TIE1: variants seen among roughly 807,000 people sequenced by gnomAD.
TIE1 encodes tyrosine kinase with immunoglobulin like and EGF like domains 1.
TIE1 carries 89 observed loss-of-function variants against 130.5 expected under a neutral mutation model. The ratio of observed to expected loss-of-function variants is 0.68; its 90% CI spans 0.57 to 0.81. TIE1 has a LOEUF of 0.81. Among genes scored for constraint, TIE1 ranks in the 40% least tolerant of loss-of-function variants. The probability of loss-of-function intolerance (pLI) is 0.00; values close to 1 mark genes in which losing one functional copy is unlikely to be tolerated. For missense variants in TIE1, 1,392 were observed against 1,559.8 expected, an observed-to-expected ratio of 0.89 and a Z score of 1.81; for synonymous variants, 568 against 629.4, an observed-to-expected ratio of 0.90 and a Z score of 1.46.
Position 43,304,995 on chromosome 1 carries a change from G to A in TIE1, c.203G>A (p.Arg68His), listed in dbSNP as rs774803318. Residue 68 changes from arginine to histidine, a missense_variant, in exon 2 of 23, where the codon CGT (arginine) becomes CAT (histidine). This residue lies in a region of TIE1 where 415 missense variants were observed against 424.8 expected (regional missense o/e 0.98). Transcript: ENST00000372476. ...CCCCTGCTGCTGGAGAAGGACGACC[G>A]TATCGTGCGCACCCCGCCCGGGCCA... is the stretch of plus-strand genomic sequence containing the variant. ...GPPLLLEKDD[R>H]IVRTPPGPPL... The A allele has an allele frequency of 5.1e-5, 77 of 1,522,146 alleles. No individual in the cohort carries two copies. Among genetic ancestry groups the A allele is most frequent in the Admixed American group, 2.5e-4 (12 of 48,548 alleles). The allele number at this position is 1,522,146 out of a possible 1,614,324, so 94.3% of individuals were successfully genotyped here. A position where few individuals can be genotyped will look rare whatever the true frequency, so the allele number is the denominator to read the frequency against.
At chr1:43,302,197 G>C (rs1646677405) in intron 1 of TIE1, among the ~76,000 whole-genome samples, 1 of 152,222 alleles carries the variant, frequency 6.6e-6, no homozygotes, top group African/African-American at 2.4e-5. Context: ...CTAAGTGCTG[G>C]GCCATTAGTT....
chr1:43,311,624 G>A, intron 9 of TIE1, 47 bp from the exon 10 acceptor site: 2 of 1,569,576 alleles, frequency 1.3e-6, no homozygotes, highest in Non-Finnish European at 8.6e-7. Context: ...TGCAGAAGTG[G>A]ACTGGATAGG....
rs1213934806 is a variant in TIE1 at position 43,318,602 on chromosome 1, C to G, written c.2922+530C>G. ...CACTACAACCTCTGCCTCCTGGGTTCAAGCAATTCTCCTGCCTCAGCCTCC... is the reference window on the plus strand; with the variant it reads ...CACTACAACCTCTGCCTCCTGGGTTGAAGCAATTCTCCTGCCTCAGCCTCC... On this transcript the variant is annotated intron_variant, in intron 17 of 22. Coordinates refer to ENST00000372476, the MANE Select transcript of TIE1 (RefSeq NM_005424.5). The surrounding 1 kb of genome is among the most constrained non-coding windows in gnomAD (Gnocchi z 4.4). Among the ~76,000 whole-genome samples the G allele has an allele frequency of 6.6e-6, 1 of 151,870 alleles. No individual in the cohort carries two copies. The highest frequency in any genetic ancestry group is 6.6e-5 in the Admixed American group (1 of 15,250).
At position 43,316,296 on chromosome 1, in the gene TIE1, G is replaced by T. The variant is rs774018860; in HGVS notation, c.2410-903G>T. 1.6e-4 allele frequency among the ~76,000 whole-genome samples: 24 copies of T among 152,152 alleles called. No homozygotes were observed. The highest frequency in any genetic ancestry group is 2.1e-4 in the Non-Finnish European group (14 of 68,038). On this transcript the variant is annotated intron_variant, in intron 14 of 22. Coordinates refer to ENST00000372476, the MANE Select transcript of TIE1 (RefSeq NM_005424.5). This position sits in a 1 kb window ranked among gnomAD's most constrained non-coding sequence, Gnocchi z 4.4. ...ATATGGTGCTGCCCAAGAACATCAC[G>T]TGCATTTGCTATGTGCCGTCAGCAC...
In TIE1 at chr1:43,313,591, T is replaced by C. The variant is rs1435892155; in HGVS notation, c.2218+166T>C. ...TCAGCCTTCCATTCTCATGATCCAC[T>C]GTCCCAGGGCTGGGAAAATCATGTC... On this transcript the variant is annotated intron_variant, in intron 13 of 22. Transcript: ENST00000372476. The surrounding 1 kb of genome is among the most constrained non-coding windows in gnomAD (Gnocchi z 6.2). The C allele has an allele frequency of 9.2e-7, 1 of 1,084,012 alleles. No homozygotes were observed. Among genetic ancestry groups the C allele is most frequent in the East Asian group, 2.6e-5 (1 of 38,654 alleles). The allele number at this position is 1,084,012 out of a possible 1,614,324, so 67.1% of individuals were successfully genotyped here.
intron 9 of TIE1, among the ~76,000 whole-genome samples, chr1:43,311,440 T>C (rs1646789518): frequency 6.6e-6 from 1 of 152,054 alleles, no homozygotes; most frequent in African/African-American, 2.4e-5. Context: ...TGTCTGGCCA[T>C]GTCACTTCCT....
Position 43,300,984 on chromosome 1 carries a change from A to G in TIE1, c.-88A>G. 1 of 1,329,788 alleles carries G rather than the reference A, an allele frequency of 7.5e-7. No homozygotes were observed. Among genetic ancestry groups the G allele is most frequent in the Non-Finnish European group, 1.0e-6 (1 of 975,818 alleles). The allele number at this position is 1,329,788 out of a possible 1,614,324, so 82.4% of individuals were successfully genotyped here. A position where few individuals can be genotyped will look rare whatever the true frequency, so the allele number is the denominator to read the frequency against. On this transcript the variant is annotated 5_prime_UTR_variant, in exon 1 of 23. Coordinates refer to ENST00000372476, the MANE Select transcript of TIE1 (RefSeq NM_005424.5). ...CTCTTCCTCCCCAGCACCGACCCAC[A>G]CTGACCAACACAGGCTGAGCAGTCA...
In TIE1 at chr1:43,312,103, T is replaced by A; in HGVS notation, c.1602T>A (p.Pro534=). 1 of 1,579,830 alleles carries A rather than the reference T, an allele frequency of 6.3e-7. No individual in the cohort carries two copies. The highest frequency in any genetic ancestry group is 8.6e-7 in the Non-Finnish European group (1 of 1,161,776). Residue 534 remains proline (P), a synonymous_variant, in exon 11 of 23, where the codon CCT becomes CCA. Coordinates refer to ENST00000372476, the MANE Select transcript of TIE1 (RefSeq NM_005424.5). This position sits in a 1 kb window ranked among gnomAD's most constrained non-coding sequence, Gnocchi z 5.6. The part of the protein sequence containing the change: ...PGEGGEGAWG[P]PTLMTTDCPE... Reference sequence around the variant, plus strand: ...AAGGAGGAGAGGGGGCCTGGGGGCCTCCCACCCTCATGACCACAGACTGTC... The same window carrying A: ...AAGGAGGAGAGGGGGCCTGGGGGCCACCCACCCTCATGACCACAGACTGTC...
At chr1:43,303,003 A>G (rs1388707435) in intron 1 of TIE1, among the ~76,000 whole-genome samples, 1 of 152,212 alleles carries the variant, frequency 6.6e-6, no homozygotes, top group African/African-American at 2.4e-5. Flanking sequence ...GACCTTGGGC[A>G]AGTTACTTAA....
At chr1:43,311,958 G>A in intron 10 of TIE1, 36 bp from the exon 11 acceptor site, 2 of 1,563,228 alleles carry the variant, frequency 1.3e-6, no homozygotes, top group Non-Finnish European at 1.7e-6. Flanking sequence ...GAAGAGGTGG[G>A]GGCTGAATAA....
Position 43,307,422 on chromosome 1 carries a change from CT to C in TIE1, c.773-9del. The C allele has an allele frequency of 1.2e-6, 2 of 1,614,016 alleles. No individual in the cohort carries two copies. On this transcript the variant is annotated splice_polypyrimidine_tract_variant and intron_variant, in intron 5 of 22. Coordinates refer to ENST00000372476, the MANE Select transcript of TIE1 (RefSeq NM_005424.5). This position sits in a 1 kb window ranked among gnomAD's most constrained non-coding sequence, Gnocchi z 5.4. ...CAGAGGCCCATACACCCCACACACT[CT>C]CTTTCTAGCCTGCAGAGAGGGCCGT...
Position 43,313,803 on chromosome 1 carries a change from A to G in TIE1, c.2244A>G (p.Gln748=), listed in dbSNP as rs918979780. The G allele has an allele frequency of 2.5e-6, 4 of 1,613,328 alleles. No individual in the cohort carries two copies. The Admixed American group carries it at 5.0e-5, about 20-fold the overall frequency. ...GGCTGCAGGCTGAGGGCCCAGTCCA[A>G]GAGAGCCGGGCAGCTGAAGAGGGCC... ...GNGLQAEGPV[Q]ESRAAEEGLD... Residue 748 remains glutamine (Q), a synonymous_variant, in exon 14 of 23, where the codon CAA becomes CAG. Coordinates refer to ENST00000372476, the MANE Select transcript of TIE1 (RefSeq NM_005424.5). This position sits in a 1 kb window ranked among gnomAD's most constrained non-coding sequence, Gnocchi z 6.2.
intron 7 of TIE1, among the ~76,000 whole-genome samples, chr1:43,308,512 A>C (rs1346327243): frequency 6.2e-5 from 5 of 80,326 alleles, no homozygotes; most frequent in East Asian, 5.0e-4. Flanking sequence ...GACTGGGGAA[A>C]TGGTCAGAAG....
In TIE1 at chr1:43,306,744, T is replaced by C. The variant is rs1284376914; in HGVS notation, c.485-96T>C. 19 of 1,425,932 alleles carry C rather than the reference T, an allele frequency of 1.3e-5. No individual in the cohort carries two copies. Among genetic ancestry groups the C allele is most frequent in the Non-Finnish European group, 1.5e-5 (16 of 1,056,432 alleles). 88.3% of individuals were successfully genotyped at this position (1,425,932 alleles called of 1,614,324 possible). Reference sequence around the variant, plus strand: ...CGGCCCTAGGTCTCATCACTGTGCATGGGGCTCATTGATGTGAGCTGAGCA... The same window carrying C: ...CGGCCCTAGGTCTCATCACTGTGCACGGGGCTCATTGATGTGAGCTGAGCA... On this transcript the variant is annotated intron_variant, in intron 3 of 22. Transcript: ENST00000372476. This position sits in a 1 kb window ranked among gnomAD's most constrained non-coding sequence, Gnocchi z 4.9.
chr1:43,304,250 T>C (rs1556580), intron 1 of TIE1, among the ~76,000 whole-genome samples: 107,908 of 152,180 alleles, frequency 0.71, 39,279 homozygotes, highest in East Asian at 0.88. Flanking sequence ...TCCATTTCTG[T>C]GCCACAACCT....
At position 43,319,939 on chromosome 1, in the gene TIE1, C is replaced by A; in HGVS notation, c.3107+410C>A. The A allele has an allele frequency of 3.9e-6, 1 of 258,068 alleles. No individual in the cohort carries two copies. The highest frequency in any genetic ancestry group is 7.7e-6 in the Non-Finnish European group (1 of 130,426). The allele number at this position is 258,068 out of a possible 1,614,324, so 16.0% of individuals were successfully genotyped here. On this transcript the variant is annotated intron_variant, in intron 19 of 22. Transcript: ENST00000372476. This position sits in a 1 kb window ranked among gnomAD's most constrained non-coding sequence, Gnocchi z 4.7. ...CCCCCAAGACTCCCTCTCTGTGCCC[C>A]CTCCCCTGCAGACAGCCCTCTTGGC...
chr1:43,318,186 T>C lies in TIE1; in HGVS notation c.2922+114T>C. ...TGGGGATTGAGGTTCCTGGCCCAAG[T>C]GTGTGGGTGGGTGCAAGCACAGCGA... On this transcript the variant is annotated intron_variant, in intron 17 of 22. Coordinates refer to ENST00000372476, the MANE Select transcript of TIE1 (RefSeq NM_005424.5). The surrounding 1 kb of genome is among the most constrained non-coding windows in gnomAD (Gnocchi z 4.4). 1 of 1,336,028 alleles carries C rather than the reference T, an allele frequency of 7.5e-7. No homozygotes were observed. The highest frequency in any genetic ancestry group is 1.5e-5 in the South Asian group (1 of 67,296). 82.8% of individuals were successfully genotyped at this position (1,336,028 alleles called of 1,614,324 possible).
intron 22 of TIE1, among the ~76,000 whole-genome samples, chr1:43,321,939 C>T (rs1646924856): frequency 6.6e-6 from 1 of 152,186 alleles, no homozygotes; most frequent in African/African-American, 2.4e-5. Context: ...CACTGCTTAG[C>T]CCCAACAGCA....
chr1:43,321,351 C>T (rs1387355503), intron 20 of TIE1, 42 bp downstream of exon 20: 1 of 1,613,578 alleles, frequency 6.2e-7, no homozygotes, highest in East Asian at 2.2e-5. Flanking sequence ...CCCACCTTAC[C>T]CCACGTGGAG....
Sources: allele counts gnomAD v4.1 joint callset (sites outside exome capture counted in the v4.1 genomes callset), GRCh38; gene constraint gnomAD v4.1.1; regional missense constraint gnomAD v4.1.1; non-coding constraint Gnocchi (gnomAD v3.1); transcripts MANE v1.5; gene names NCBI Gene and HGNC (gene_info 2026-07-23, HGNC 2026-07-21).